The following AGBL4 variants were observed in gnomAD, a reference collection of about 807,000 sequenced individuals.
The protein encoded by AGBL4 is cytosolic carboxypeptidase 6.
In AGBL4, 58 loss-of-function variants were observed where a neutral mutation model predicts 66.4. The ratio of observed to expected loss-of-function variants is 0.87; its 90% confidence interval spans 0.71 to 1.09. The LOEUF (loss-of-function observed/expected upper bound fraction) is 1.09. AGBL4 is among the 50% of genes least tolerant of loss of function. AGBL4 has a pLI of 0.00. For synonymous variants in AGBL4, 234 were observed against 222.9 expected, an observed-to-expected ratio of 1.05 and a Z score of -0.44; for missense variants, 579 against 631.0, an observed-to-expected ratio of 0.92 and a Z score of 0.88.
chr1:49,376,474 G>T (rs944501652), intron 3 of AGBL4, among the ~76,000 whole-genome samples: 1 of 152,024 alleles, frequency 6.6e-6, no homozygotes, highest in African/African-American at 2.4e-5. Context: ...AGTTGTTACA[G>T]TTCTTCCAAG....
chr1:48,790,781 G>C (rs957036642), intron 6 of AGBL4, among the ~76,000 whole-genome samples: 1 of 152,132 alleles, frequency 6.6e-6, no homozygotes, highest in South Asian at 2.1e-4. Context: ...TTGCAAGAGT[G>C]AGTTTGTTAT....
chr1:48,812,715 G>C (rs920069090), intron 6 of AGBL4, among the ~76,000 whole-genome samples: 8 of 152,094 alleles, frequency 5.3e-5, no homozygotes, highest in African/African-American at 1.9e-4. Flanking sequence ...CAACCCAAAT[G>C]TCCAACAATG....
At chr1:49,667,280 A>G (rs969166471) in intron 3 of AGBL4, among the ~76,000 whole-genome samples, 11 of 151,966 alleles carry the variant, frequency 7.2e-5, no homozygotes, top group African/African-American at 2.4e-4. Flanking sequence ...GCAACATGAC[A>G]AAGCCCTGTG....
intron 2 of AGBL4, among the ~76,000 whole-genome samples, chr1:49,706,926 T>C (rs753689570): frequency 6.6e-6 from 1 of 152,210 alleles, no homozygotes; most frequent in Non-Finnish European, 1.5e-5. Flanking sequence ...TTATGATTTC[T>C]GTTCTTTTGC....
At chr1:49,362,461 A>T (rs1644159413) in intron 3 of AGBL4, among the ~76,000 whole-genome samples, 1 of 151,448 alleles carries the variant, frequency 6.6e-6, no homozygotes, top group Non-Finnish European at 1.5e-5. Context: ...AAAAAAAAAA[A>T]AAAAAAAAAA....
intron 2 of AGBL4, among the ~76,000 whole-genome samples, chr1:49,739,741 C>T (rs537431986): frequency 6.6e-6 from 1 of 152,218 alleles, no homozygotes; most frequent in Admixed American, 6.5e-5. Flanking sequence ...GAGTGGGGGC[C>T]AATATTCAAC....
chr1:49,645,371 T>C (rs1390982210), intron 3 of AGBL4, among the ~76,000 whole-genome samples: 2 of 148,380 alleles, frequency 1.3e-5, no homozygotes, highest in Non-Finnish European at 3.0e-5. Flanking sequence ...ATGAGAAAGA[T>C]GACAACACTA....
intron 10 of AGBL4, among the ~76,000 whole-genome samples, chr1:48,589,649 A>G (rs1323194140): frequency 1.3e-5 from 2 of 152,220 alleles, no homozygotes; most frequent in South Asian, 2.1e-4. Context: ...TGGTAGTAAC[A>G]GCAACCGTCT....
In AGBL4 at chr1:49,956,082, T is replaced by C. The variant is rs566438327; in HGVS notation, c.34+67681A>G. Among the ~76,000 whole-genome samples the C allele has an allele frequency of 4.6e-5, 7 of 151,996 alleles. No individual in the cohort carries two copies. The East Asian group carries it at 1.4e-3, about 29-fold the overall frequency. On this transcript the variant is annotated intron_variant, in intron 1 of 13. Coordinates refer to ENST00000371839, the MANE Select transcript of AGBL4 (RefSeq NM_032785.4). ...TGTTATTATTGGCTGTAGTTTCCTT[T>C]TTTCCTCTTCCTCAAAGCACTGTCA... is the stretch of plus-strand genomic sequence containing the variant.
intron 3 of AGBL4, among the ~76,000 whole-genome samples, chr1:49,446,595 A>G (rs542739444): frequency 6.6e-6 from 1 of 152,302 alleles, no homozygotes; most frequent in Non-Finnish European, 1.5e-5. Flanking sequence ...TTGGCTAAGC[A>G]TACCTATCTT....
At chr1:48,991,516 T>C (rs893910223) in intron 5 of AGBL4, among the ~76,000 whole-genome samples, 1 of 152,198 alleles carries the variant, frequency 6.6e-6, no homozygotes, top group Non-Finnish European at 1.5e-5. Flanking sequence ...TATTGATAGC[T>C]TTCTCAACAT....
At chr1:49,955,122 A>T (rs898873940) in intron 1 of AGBL4, among the ~76,000 whole-genome samples, 4 of 151,934 alleles carry the variant, frequency 2.6e-5, no homozygotes, top group African/African-American at 9.7e-5. Flanking sequence ...GCTTACAGAC[A>T]AAGGATTTTT....
intron 5 of AGBL4, among the ~76,000 whole-genome samples, chr1:48,896,400 G>C (rs184715321): frequency 6.6e-6 from 1 of 152,352 alleles, no homozygotes; most frequent in East Asian, 1.9e-4. Context: ...TGAGAAGGCT[G>C]CTGTGATTAG....
chr1:49,783,554 T>C (rs1251426805), intron 2 of AGBL4, among the ~76,000 whole-genome samples: 4 of 152,144 alleles, frequency 2.6e-5, no homozygotes, highest in African/African-American at 9.7e-5. Flanking sequence ...TCATACTTAA[T>C]AGTGAAAGAC....
intron 6 of AGBL4, chr1:48,818,353 C>T (rs1321611575): frequency 2.9e-6 from 2 of 693,392 alleles, no homozygotes; most frequent in Admixed American, 2.1e-5. Flanking sequence ...GGGAGCCATA[C>T]ATGAAACATT....
chr1:49,748,255 T>C (rs1327018115), intron 2 of AGBL4, among the ~76,000 whole-genome samples: 3 of 152,086 alleles, frequency 2.0e-5, no homozygotes, highest in African/African-American at 7.2e-5. Flanking sequence ...AGTGAGAACA[T>C]GTGGTGTTTG....
intron 6 of AGBL4, among the ~76,000 whole-genome samples, chr1:48,840,467 C>G (rs997099543): frequency 5.3e-5 from 8 of 152,118 alleles, no homozygotes; most frequent in African/African-American, 9.7e-5. Flanking sequence ...TGTAAGATAC[C>G]TAACAGTGTA....
rs1553155278 is a variant in AGBL4 at position 49,971,907 on chromosome 1, G to GTTGTT, written c.34+51855_34+51856insAACAA. ...AAGTACAAGTGCAGGGTTTTTTTGGGTTTTTTTTTTTTTTTTTTTTTTTTT... is the reference window on the plus strand; with the variant it reads ...AAGTACAAGTGCAGGGTTTTTTTGGGTTGTTTTTTTTTTTTTTTTTTTTTTTTTTT... On this transcript the variant is annotated intron_variant, in intron 1 of 13. Coordinates refer to ENST00000371839, the MANE Select transcript of AGBL4 (RefSeq NM_032785.4). Among the ~76,000 whole-genome samples the GTTGTT allele has an allele frequency of 1.2e-3, 27 of 23,438 alleles. 7 individuals carry two copies. The highest frequency in any genetic ancestry group is 4.0e-3 in the Admixed American group (4 of 1,010). The allele number at this position is 23,438 out of a possible 152,430, so 15.4% of individuals were successfully genotyped here.
intron 2 of AGBL4, among the ~76,000 whole-genome samples, chr1:49,779,355 A>G (rs1387226390): frequency 6.6e-6 from 1 of 152,188 alleles, no homozygotes; most frequent in Non-Finnish European, 1.5e-5. Context: ...GAAGAAGGAA[A>G]ATAAAATGGT....
Sources: gnomAD v4.1 joint callset for allele counts (sites outside exome capture counted in the v4.1 genomes callset) on GRCh38, gnomAD v4.1.1 for gene constraint, MANE v1.5 for transcripts, NCBI Gene and HGNC (gene_info 2026-07-23, HGNC 2026-07-21) for gene names.